Variants in ATF7IP observed in about 807,000 individuals in gnomAD.
ATF7IP encodes activating transcription factor 7-interacting protein 1.
In ATF7IP, 23 loss-of-function variants were observed where a neutral mutation model predicts 106.4. The ratio of observed to expected loss-of-function variants is 0.22; its 90% CI spans 0.16 to 0.31. ATF7IP has a LOEUF of 0.31. ATF7IP is among the 10% of genes least tolerant of loss of function. The pLI, the probability that ATF7IP is intolerant of heterozygous loss-of-function variation, is 1.00. For missense variants in ATF7IP, 1,334 were observed against 1,524.3 expected (o/e 0.88, Z 2.08); for synonymous variants, 542 against 539.0 (o/e 1.01, Z -0.08).
At chr12:14,470,465 T>G (rs1943996145) in intron 10 of ATF7IP, among the ~76,000 whole-genome samples, 1 of 152,192 alleles carries the variant, frequency 6.6e-6, no homozygotes, top group Non-Finnish European at 1.5e-5. Flanking sequence ...CAGACAATGT[T>G]TTGTCAGGAA....
chr12:14,480,920 A>T, intron 12 of ATF7IP, 83 bp from the exon 13 acceptor site: 1 of 1,219,222 alleles, frequency 8.2e-7, no homozygotes, highest in Non-Finnish European at 1.2e-6. Flanking sequence ...ATTAGATTTT[A>T]TGCAAAGATA....
intron 1 of ATF7IP, among the ~76,000 whole-genome samples, chr12:14,397,871 T>C (rs1939941265): frequency 6.6e-6 from 1 of 152,092 alleles, no homozygotes; most frequent in South Asian, 2.1e-4. Context: ...ATTTTCCCCT[T>C]CTCCTTGGCT....
intron 13 of ATF7IP, among the ~76,000 whole-genome samples, chr12:14,488,036 G>C (rs1035964024): frequency 6.6e-6 from 1 of 151,972 alleles, no homozygotes; most frequent in African/African-American, 2.4e-5. Flanking sequence ...AGAGTCCTTA[G>C]CATTTGTGGG....
At chr12:14,397,941 T>C (rs1291923828) in intron 1 of ATF7IP, among the ~76,000 whole-genome samples, 1 of 152,158 alleles carries the variant, frequency 6.6e-6, no homozygotes, top group African/African-American at 2.4e-5. Flanking sequence ...AGATGATTTT[T>C]TGAGTTTGCA....
chr12:14,398,362 C>T (rs1939970500), intron 1 of ATF7IP, among the ~76,000 whole-genome samples: 1 of 149,538 alleles, frequency 6.7e-6, no homozygotes, highest in Admixed American at 6.7e-5. Flanking sequence ...GGTATTTTAT[C>T]ACTGATTTCC....
chr12:14,408,306 G>T (rs1310972581), intron 1 of ATF7IP, among the ~76,000 whole-genome samples: 1 of 152,102 alleles, frequency 6.6e-6, no homozygotes, highest in East Asian at 1.9e-4. Context: ...GTTTTTGCTG[G>T]AAGTTTTGCT....
intron 2 of ATF7IP, 114 bp downstream of exon 2, chr12:14,425,587 T>C: frequency 9.9e-7 from 1 of 1,008,344 alleles, no homozygotes. Context: ...TTGAGAATGG[T>C]GATGACTCTA....
intron 2 of ATF7IP, among the ~76,000 whole-genome samples, chr12:14,428,576 G>A (rs1941975492): frequency 6.6e-6 from 1 of 152,074 alleles, no homozygotes; most frequent in Admixed American, 6.6e-5. Context: ...TTAAATAAAT[G>A]CCTTTATTCT....
At position 14,498,863 on chromosome 12, in the gene ATF7IP, T is replaced by C. The variant is rs1945086437; in HGVS notation, c.*790T>C. 6.6e-6 allele frequency: 1 copy of C among 152,544 alleles called. No homozygotes were observed. Among genetic ancestry groups the C allele is most frequent in the Non-Finnish European group, 1.5e-5 (1 of 68,596 alleles). The allele number at this position is 152,544 out of a possible 1,614,324, so 9.4% of individuals were successfully genotyped here. On this transcript the variant is annotated 3_prime_UTR_variant, in exon 15 of 15. Transcript: ENST00000261168. ...AACTCCTCAAGTAATTTTTTTTTTT[T>C]AAGATGGAGTTTTGCTCTTGTTGCC... is the stretch of plus-strand genomic sequence containing the variant.
intron 1 of ATF7IP, among the ~76,000 whole-genome samples, chr12:14,377,545 C>T (rs1591758709): frequency 6.6e-6 from 1 of 151,110 alleles, no homozygotes; most frequent in Non-Finnish European, 1.5e-5. Flanking sequence ...TTAGTAGAGA[C>T]GGGGTTTCAC....
chr12:14,494,325 A>ATT, intron 13 of ATF7IP, among the ~76,000 whole-genome samples: 1 of 83,452 alleles, frequency 1.2e-5, no homozygotes, highest in African/African-American at 4.8e-5. Context: ...ATATATATAT[A>ATT]TATATATATG....
intron 6 of ATF7IP, among the ~76,000 whole-genome samples, chr12:14,451,696 G>A (rs1256330563): frequency 6.6e-6 from 1 of 151,526 alleles, no homozygotes; most frequent in Admixed American, 6.6e-5. Flanking sequence ...TTGACGTCAA[G>A]TTTCATTCCA....
At chr12:14,456,891 A>T (rs1253731883) in intron 7 of ATF7IP, among the ~76,000 whole-genome samples, 1 of 152,218 alleles carries the variant, frequency 6.6e-6, no homozygotes, top group African/African-American at 2.4e-5. Context: ...CTTTCAAGTA[A>T]TTGAGAAATG....
At chr12:14,387,959 C>T (rs954428850) in intron 1 of ATF7IP, among the ~76,000 whole-genome samples, 20 of 152,082 alleles carry the variant, frequency 1.3e-4, no homozygotes, top group African/African-American at 4.3e-4. Flanking sequence ...GTTTTTGCTA[C>T]CTTTTTCTGA....
At chr12:14,425,899 A>G (rs1432557653) in intron 2 of ATF7IP, among the ~76,000 whole-genome samples, 2 of 152,206 alleles carry the variant, frequency 1.3e-5, no homozygotes, top group Non-Finnish European at 2.9e-5. Context: ...TAATATTCCC[A>G]ATGAAATCCT....
At chr12:14,410,965 C>T (rs1348552633) in intron 1 of ATF7IP, among the ~76,000 whole-genome samples, 8 of 152,040 alleles carry the variant, frequency 5.3e-5, no homozygotes, top group Non-Finnish European at 1.2e-4. Flanking sequence ...TACTTCATTC[C>T]GTTTATGGCT....
chr12:14,481,627 T>C (rs1160080460), intron 13 of ATF7IP: 2 of 446,654 alleles, frequency 4.5e-6, no homozygotes, highest in South Asian at 3.2e-5. Context: ...ACAGAGAAAA[T>C]TGTTGATGTA....
chr12:14,431,896 TTTG>T lies in ATF7IP; in HGVS notation c.1559-2438_1559-2436del, dbSNP rs375963339. ...TAAGGCCCTACCCGTCTCTGTAGAA[TTTG>T]TTAATACCATTTTTTAAATCCCAAG... On this transcript the variant is annotated intron_variant, in intron 2 of 14. Transcript: ENST00000261168. Among the ~76,000 whole-genome samples, 46 of 152,324 alleles carry T rather than the reference TTTG, an allele frequency of 3.0e-4. No homozygotes were observed. The East Asian group carries it at 4.4e-3, about 15-fold the overall frequency.
chr12:14,440,937 C>G (rs2136640294), intron 5 of ATF7IP, among the ~76,000 whole-genome samples: 1 of 152,290 alleles, frequency 6.6e-6, no homozygotes, highest in East Asian at 1.9e-4. Context: ...AATAATATTC[C>G]ATTATATGGC....
Sources: gnomAD v4.1 joint callset for allele counts (sites outside exome capture counted in the v4.1 genomes callset) on GRCh38, gnomAD v4.1.1 for gene constraint, MANE v1.5 for transcripts, NCBI Gene and HGNC (gene_info 2026-07-23, HGNC 2026-07-21) for gene names.